The following LCLAT1 variants were observed in gnomAD, a reference collection of about 807,000 sequenced individuals.
LCLAT1 encodes lysocardiolipin acyltransferase 1.
LCLAT1 carries 11 observed loss-of-function variants against 30.7 expected under a neutral mutation model. The ratio of observed to expected loss-of-function variants is 0.36; its 90% CI spans 0.23 to 0.59. The LOEUF is 0.59. Ranked by LOEUF, LCLAT1 falls within the 20% of genes least tolerant of loss-of-function variation. The pLI, the probability that LCLAT1 is intolerant of heterozygous loss-of-function variation, is 0.77. For synonymous variants in LCLAT1, 155 were observed against 151.3 expected (o/e 1.02, Z -0.18); for missense variants, 402 against 458.6 (o/e 0.88, Z 1.13).
At chr2:30,565,311 T>C (rs1427913217) in intron 4 of LCLAT1, among the ~76,000 whole-genome samples, 1 of 152,102 alleles carries the variant, frequency 6.6e-6, no homozygotes, top group Non-Finnish European at 1.5e-5. Flanking sequence ...TTCTTCCTTG[T>C]TGGGGAGAGG....
intron 1 of LCLAT1, among the ~76,000 whole-genome samples, chr2:30,521,492 C>CTTTTTTTTTTTTTTTTTTTTT (rs869093721): frequency 5.9e-5 from 1 of 16,824 alleles, no homozygotes; most frequent in African/African-American, 2.4e-4. Flanking sequence ...ACTACTTCTT[C>CTTTTTTTTTTTTTTTTTTTTT]TTTTTTTTTT....
At chr2:30,560,014 G>C (rs1376264872) in intron 3 of LCLAT1, among the ~76,000 whole-genome samples, 2 of 152,148 alleles carry the variant, frequency 1.3e-5, no homozygotes, top group African/African-American at 2.4e-5. Flanking sequence ...AGGGTGAACA[G>C]CTGGCTTGTA....
intron 5 of LCLAT1, among the ~76,000 whole-genome samples, chr2:30,575,896 G>T (rs1282412412): frequency 2.0e-5 from 3 of 151,980 alleles, no homozygotes; most frequent in African/African-American, 4.8e-5. Context: ...TTTGCCCTGG[G>T]TTTATTATAT....
At chr2:30,504,712 C>T (rs1417854994) in intron 1 of LCLAT1, among the ~76,000 whole-genome samples, 2 of 152,146 alleles carry the variant, frequency 1.3e-5, no homozygotes, top group Non-Finnish European at 2.9e-5. Context: ...CCTTTTCTCT[C>T]TCCCTTCTTT....
intron 1 of LCLAT1, among the ~76,000 whole-genome samples, chr2:30,521,100 G>A (rs550455136): frequency 2.6e-5 from 4 of 152,272 alleles, no homozygotes; most frequent in African/African-American, 7.2e-5. Context: ...CCAAGATGGC[G>A]ACAAGAGTGA....
intron 1 of LCLAT1, among the ~76,000 whole-genome samples, chr2:30,506,444 T>C (rs1362657527): frequency 4.6e-5 from 7 of 152,104 alleles, no homozygotes; most frequent in Admixed American, 4.6e-4. Context: ...AAGTCACTAA[T>C]GGTAACATTC....
intron 1 of LCLAT1, among the ~76,000 whole-genome samples, chr2:30,480,828 A>G (rs1683284142): frequency 2.0e-5 from 3 of 152,190 alleles, no homozygotes; most frequent in African/African-American, 7.2e-5. Flanking sequence ...CACAATATCA[A>G]TATGGTCCTT....
chr2:30,462,089 A>G (rs1189766634), intron 1 of LCLAT1, among the ~76,000 whole-genome samples: 1 of 152,032 alleles, frequency 6.6e-6, no homozygotes, highest in Admixed American at 6.6e-5. Flanking sequence ...AACTTTTATC[A>G]CATCATTTTT....
intron 3 of LCLAT1, among the ~76,000 whole-genome samples, chr2:30,543,074 C>G (rs1285299504): frequency 6.6e-6 from 1 of 150,808 alleles, no homozygotes; most frequent in Non-Finnish European, 1.5e-5. Flanking sequence ...TTGAGCCTTT[C>G]ACTGTTGAGT....
At chr2:30,493,230 C>CT in intron 1 of LCLAT1, among the ~76,000 whole-genome samples, 1 of 152,152 alleles carries the variant, frequency 6.6e-6, no homozygotes, top group Non-Finnish European at 1.5e-5. Context: ...TTAATGTAGA[C>CT]TTTCATATAG....
In LCLAT1 at chr2:30,478,940, A is replaced by G. The variant is rs140465602; in HGVS notation, c.-5+31557A>G. 6.0e-4 allele frequency among the ~76,000 whole-genome samples: 92 copies of G among 152,296 alleles called. 1 individual carries two copies. Among genetic ancestry groups the G allele is most frequent in the African/African-American group, 2.1e-3 (86 of 41,572 alleles). ...TCCTGGGATATACTTGGGTTGCCCA[A>G]TTGCTGTGTTTCTTTAAGTATTTTT... On this transcript the variant is annotated intron_variant, in intron 1 of 5. Transcript: ENST00000379509.
intron 3 of LCLAT1, among the ~76,000 whole-genome samples, chr2:30,560,283 GGTGTGTGTGTGT>G (rs57326977): frequency 5.0e-4 from 72 of 144,580 alleles, no homozygotes; most frequent in African/African-American, 1.5e-3. Context: ...AATAAAGTGT[GGTGTGTGTGTGT>G]GTGTGTGTGT....
At chr2:30,455,937 A>T (rs1361329334) in intron 1 of LCLAT1, among the ~76,000 whole-genome samples, 1 of 135,474 alleles carries the variant, frequency 7.4e-6, no homozygotes, top group Non-Finnish European at 1.6e-5. Context: ...AAAAAAAAAA[A>T]TTGGAAGTGC....
intron 3 of LCLAT1, among the ~76,000 whole-genome samples, chr2:30,553,500 T>C (rs1664771751): frequency 6.6e-6 from 1 of 152,210 alleles, no homozygotes; most frequent in African/African-American, 2.4e-5. Context: ...AAAGACAGAA[T>C]ATCCTGCAGT....
chr2:30,526,002 A>T (rs1014298145), intron 2 of LCLAT1, among the ~76,000 whole-genome samples: 8 of 152,202 alleles, frequency 5.3e-5, no homozygotes, highest in Non-Finnish European at 4.4e-5. Flanking sequence ...AAATCTGTGC[A>T]TCCTCAGTAC....
At chr2:30,468,311 G>A (rs920818937) in intron 1 of LCLAT1, among the ~76,000 whole-genome samples, 3 of 152,134 alleles carry the variant, frequency 2.0e-5, no homozygotes, top group Admixed American at 6.5e-5. Context: ...CTCTCTCTCT[G>A]TTTTGGTACC....
chr2:30,507,891 C>A (rs569391106), intron 1 of LCLAT1, among the ~76,000 whole-genome samples: 1 of 152,306 alleles, frequency 6.6e-6, no homozygotes, highest in African/African-American at 2.4e-5. Flanking sequence ...AATGGTTGAA[C>A]TAATTTACAC....
chr2:30,465,483 C>T (rs916305076), intron 1 of LCLAT1, among the ~76,000 whole-genome samples: 1 of 152,198 alleles, frequency 6.6e-6, no homozygotes, highest in African/African-American at 2.4e-5. Flanking sequence ...TAACTTGTTA[C>T]AGCAGCGATA....
intron 2 of LCLAT1, among the ~76,000 whole-genome samples, chr2:30,532,692 G>A (rs899375178): frequency 1.3e-4 from 19 of 151,504 alleles, no homozygotes; most frequent in African/African-American, 4.4e-4. Context: ...AGTACAGGAT[G>A]CTATAAAGTG....
Sources: allele counts gnomAD v4.1 joint callset (sites outside exome capture counted in the v4.1 genomes callset), GRCh38; gene constraint gnomAD v4.1.1; transcripts MANE v1.5; gene names NCBI Gene and HGNC (gene_info 2026-07-23, HGNC 2026-07-21).